The following VWA3A variants were observed in gnomAD, a reference collection of about 807,000 sequenced individuals.
The protein encoded by VWA3A is von Willebrand factor A domain containing 3A.
Under a neutral mutation model 160.4 loss-of-function variants are expected in VWA3A, and 134 were observed. That is an observed-to-expected ratio of 0.84 (90% CI 0.73 to 0.96). The LOEUF is 0.96. Among genes scored for constraint, VWA3A ranks in the 40% least tolerant of loss-of-function variants. The pLI is 0.00. For synonymous variants in VWA3A, 476 were observed against 543.4 expected, an observed-to-expected ratio of 0.88 and a Z score of 1.72; for missense variants, 1,310 against 1,447.9, an observed-to-expected ratio of 0.90 and a Z score of 1.55.
At chr16:22,116,165 G>T (rs760757962) in intron 9 of VWA3A, among the ~76,000 whole-genome samples, 24 of 140,920 alleles carry the variant, frequency 1.7e-4, no homozygotes, top group Non-Finnish European at 2.7e-4. Flanking sequence ...AAGGAAGAAA[G>T]AAAGAAACAA....
intron 17 of VWA3A, 50 bp downstream of exon 17, chr16:22,126,347 A>G: frequency 6.3e-7 from 1 of 1,586,754 alleles, no homozygotes; most frequent in Non-Finnish European, 8.6e-7. Context: ...GTGTGTTTGG[A>G]TGCCGTCATT....
intron 5 of VWA3A, among the ~76,000 whole-genome samples, chr16:22,102,983 C>G (rs1341808821): frequency 6.6e-6 from 1 of 152,232 alleles, no homozygotes; most frequent in Non-Finnish European, 1.5e-5. Flanking sequence ...ACCAATAGAG[C>G]AGCACCTATA....
chr16:22,104,016 C>T (rs2045446320), intron 6 of VWA3A, among the ~76,000 whole-genome samples: 1 of 152,118 alleles, frequency 6.6e-6, no homozygotes, highest in East Asian at 1.9e-4. Context: ...CCCCCCAGCC[C>T]TCATGGACTG....
chr16:22,115,925 A>AAGGGAG (rs1567203063), intron 9 of VWA3A, among the ~76,000 whole-genome samples: 7 of 18,460 alleles, frequency 3.8e-4, no homozygotes, highest in Non-Finnish European at 4.9e-4. Flanking sequence ...AAGGAAGGAA[A>AAGGGAG]GGAAAGGAAA....
intron 3 of VWA3A, 58 bp downstream of exon 3, chr16:22,097,753 C>G: frequency 1.3e-6 from 2 of 1,541,396 alleles, no homozygotes; most frequent in Non-Finnish European, 1.8e-6. Flanking sequence ...AGAGAATGCA[C>G]AGTGTGTTAA....
intron 27 of VWA3A, among the ~76,000 whole-genome samples, chr16:22,146,825 G>A (rs972832222): frequency 2.6e-5 from 4 of 151,690 alleles, no homozygotes; most frequent in Non-Finnish European, 5.9e-5. Context: ...GGATAACAGG[G>A]AGGTGGAACA....
chr16:22,131,487 C>G, intron 18 of VWA3A, 98 bp from the exon 19 acceptor site: 1 of 1,548,470 alleles, frequency 6.5e-7, no homozygotes, highest in Non-Finnish European at 8.7e-7. Context: ...ACATCGACTC[C>G]ATCACGTCTG....
At chr16:22,129,398 A>AGAAAGAAAG (rs1274399954) in intron 17 of VWA3A, among the ~76,000 whole-genome samples, 10 of 101,628 alleles carry the variant, frequency 9.8e-5, no homozygotes, top group African/African-American at 5.5e-4. Flanking sequence ...CAAAAAAAAA[A>AGAAAGAAAG]AAAAAAAGAA....
chr16:22,148,076 TA>T, intron 27 of VWA3A, 85 bp from the exon 28 acceptor site: 1 of 1,452,760 alleles, frequency 6.9e-7, no homozygotes, highest in Non-Finnish European at 9.1e-7. Context: ...CAAGACTTTA[TA>T]CTTGATAGAT....
At chr16:22,153,680 A>ATCAGAATTCCAGATTTCTTT (rs2046387608) in intron 31 of VWA3A, among the ~76,000 whole-genome samples, 1 of 152,104 alleles carries the variant, frequency 6.6e-6, no homozygotes, top group Non-Finnish European at 1.5e-5. Flanking sequence ...AAGACAACCA[A>ATCAGAATTCCAGATTTCTTT]TCAGAATTCC....
chr16:22,123,682 ATCTGGGGCACAG>A lies in VWA3A; in HGVS notation c.1512_1523del (p.Trp504_Val507del), dbSNP rs751317267. On this transcript the variant is annotated inframe_deletion, in exon 16 of 34. Transcript: ENST00000389398. The stretch of plus-strand genomic sequence containing the variant: ...GTGGCTCTCCCTGGCCAGCAGAAGA[ATCTGGGGCACAG>A]TCTGTGAAAAAAGGTACCTTTCTTA... 1 of 1,613,664 alleles carries A rather than the reference ATCTGGGGCACAG, an allele frequency of 6.2e-7. No homozygotes were observed. The highest frequency in any genetic ancestry group is 1.3e-5 in the African/African-American group (1 of 74,888).
chr16:22,141,132 C>T (rs1388712048), intron 23 of VWA3A: 2 of 454,116 alleles, frequency 4.4e-6, no homozygotes, highest in East Asian at 1.4e-4. Flanking sequence ...TGGTAACAGG[C>T]CTTCACAATC....
rs2046308359 is a variant in VWA3A, at chr16:22,149,372, TG to T, written c.2985-413del. The stretch of plus-strand genomic sequence containing the variant: ...TCCCACCTCAGCCTCCCAAGTAGCT[TG>T]GACTACAGGCGCACACCACCATGCC... On this transcript the variant is annotated intron_variant, in intron 28 of 33. Coordinates refer to ENST00000389398, the MANE Select transcript of VWA3A (RefSeq NM_173615.5). Among the ~76,000 whole-genome samples, 3 of 152,062 alleles carry T rather than the reference TG, an allele frequency of 2.0e-5. No individual in the cohort carries two copies. The South Asian group carries it at 6.2e-4, about 32-fold the overall frequency.
rs752969462 is a variant in VWA3A, at chr16:22,142,693, A to G, written c.2520A>G (p.Gln840=). Residue 840 remains glutamine, a synonymous_variant, in exon 25 of 34, where the codon CAA becomes CAG. Coordinates refer to ENST00000389398, the MANE Select transcript of VWA3A (RefSeq NM_173615.5). Reference sequence around the variant, plus strand: ...GCTCAGTGTACAAGAAGTACCCTCAAGGAAGGGGCTTGAGAAGGACTAGCT... The same window carrying G: ...GCTCAGTGTACAAGAAGTACCCTCAGGGAAGGGGCTTGAGAAGGACTAGCT... ...DVGSVYKKYP[Q]GRGLRRTSSS... is the part of the protein sequence containing the mutation. 1 of 1,572,546 alleles carries G rather than the reference A, an allele frequency of 6.4e-7. No individual in the cohort carries two copies.
At chr16:22,095,348 T>C (rs558741838) in intron 1 of VWA3A, among the ~76,000 whole-genome samples, 45 of 152,176 alleles carry the variant, frequency 3.0e-4, no homozygotes, top group African/African-American at 1.0e-3. Context: ...TATAGAGAAT[T>C]CCAGAAACTG....
chr16:22,117,166 C>A lies in VWA3A; in HGVS notation c.980C>A (p.Pro327Gln). 1 of 1,580,096 alleles carries A rather than the reference C, an allele frequency of 6.3e-7. No individual in the cohort carries two copies. Among genetic ancestry groups the A allele is most frequent in the East Asian group, 2.3e-5 (1 of 43,064 alleles). ...AGGGGCTACTACCACTGCTACAGCC[C>A]AAAGATGGAGGTAAGCCCTTCTGTC... ...AVRGYYHCYSPKMEHYTSRDM... is the reference protein window; with the variant it reads ...AVRGYYHCYSQKMEHYTSRDM... The change falls in exon 11 of 34, where the codon CCA becomes CAA. Residue 327 changes from proline to glutamine, a missense_variant. Pro to Gln is a moderately conservative substitution (Grantham distance 76). Coordinates refer to ENST00000389398, the MANE Select transcript of VWA3A (RefSeq NM_173615.5).
chr16:22,111,536 C>T (rs905027764), intron 8 of VWA3A, among the ~76,000 whole-genome samples: 4 of 152,034 alleles, frequency 2.6e-5, no homozygotes, highest in Non-Finnish European at 4.4e-5. Context: ...GGCTGGAGTA[C>T]AGTGGTATGA....
At chr16:22,141,719 G>A in intron 24 of VWA3A, 27 bp downstream of exon 24, 4 of 1,578,332 alleles carry the variant, frequency 2.5e-6, no homozygotes, top group Non-Finnish European at 3.4e-6. Flanking sequence ...ACAGGTGTCT[G>A]GACAGCCCCC....
chr16:22,136,449 A>C (rs2046041928), intron 21 of VWA3A, among the ~76,000 whole-genome samples: 1 of 152,080 alleles, frequency 6.6e-6, no homozygotes, highest in Non-Finnish European at 1.5e-5. Context: ...CAGGTGGGAA[A>C]AGACATGGCT....
Sources: gnomAD v4.1 joint callset for allele counts (sites outside exome capture counted in the v4.1 genomes callset) on GRCh38, gnomAD v4.1.1 for gene constraint, MANE v1.5 for transcripts, NCBI Gene and HGNC (gene_info 2026-07-23, HGNC 2026-07-21) for gene names.